ARHGEF11: variants seen among roughly 807,000 people sequenced by gnomAD.
ARHGEF11 encodes Rho guanine exchange factor (GEF) 11.
ARHGEF11 carries 55 observed loss-of-function variants against 193.7 expected under a neutral mutation model. The observed-to-expected ratio is 0.28, with a 90% CI of 0.23 to 0.36. The LOEUF is 0.36. Ranked by LOEUF, ARHGEF11 falls within the 10% of genes least tolerant of loss-of-function variation. ARHGEF11 has a pLI of 1.00. For missense variants in ARHGEF11, 1,723 were observed against 2,005.6 expected, an observed-to-expected ratio of 0.86 and a Z score of 2.69; for synonymous variants, 693 against 768.0, an observed-to-expected ratio of 0.90 and a Z score of 1.62.
At chr1:157,003,125 C>T (rs1211565223) in intron 1 of ARHGEF11, among the ~76,000 whole-genome samples, 1 of 152,218 alleles carries the variant, frequency 6.6e-6, no homozygotes, top group African/African-American at 2.4e-5. Flanking sequence ...ACAACAACCT[C>T]ATGAGTTGGC....
chr1:157,010,896 T>A (rs914928165), intron 1 of ARHGEF11, among the ~76,000 whole-genome samples: 1 of 152,218 alleles, frequency 6.6e-6, no homozygotes, highest in Admixed American at 6.5e-5. Context: ...CATCCATGTT[T>A]ACAGAGTGGA....
rs150882302 is a variant in ARHGEF11 at position 156,963,523 on chromosome 1, G to A, written c.1035C>T (p.Asn345=). ...EEDYDPGYFN[N]ESDIIFQDLE... ...GAGAAAACTAGGAAACCGTTACCTCGTTGTTGAAATAACCCGGGTCATAGT... is the reference window on the plus strand; with the variant it reads ...GAGAAAACTAGGAAACCGTTACCTCATTGTTGAAATAACCCGGGTCATAGT... Residue 345 remains asparagine, a synonymous_variant, in exon 12 of 41, where the codon AAC becomes AAT. Coordinates refer to ENST00000368194, the MANE Select transcript of ARHGEF11 (RefSeq NM_198236.3). 651 of 1,613,074 alleles carry A rather than the reference G, an allele frequency of 4.0e-4. No homozygotes were observed. Among genetic ancestry groups the A allele is most frequent in the Non-Finnish European group, 5.0e-4 (588 of 1,179,690 alleles).
At chr1:156,960,301 T>A in intron 15 of ARHGEF11, 117 bp downstream of exon 15, 1 of 971,686 alleles carries the variant, frequency 1.0e-6, no homozygotes, top group Non-Finnish European at 1.6e-6. Context: ...TTTTCCTCTA[T>A]TACAGGACGG....
chr1:156,967,887 G>C, intron 11 of ARHGEF11, 100 bp downstream of exon 11: 1 of 1,562,346 alleles, frequency 6.4e-7, no homozygotes, highest in Non-Finnish European at 8.8e-7. Flanking sequence ...TGAAGCAGGG[G>C]TTTAGTCTGA....
At chr1:156,941,577 G>A (rs1292667452) in intron 34 of ARHGEF11, 144 bp from the exon 35 acceptor site, 6 of 970,292 alleles carry the variant, frequency 6.2e-6, no homozygotes, top group South Asian at 5.8e-5. Flanking sequence ...CAGAGAGGAG[G>A]GGGGCTGCTA....
rs148854882 is a variant in ARHGEF11, at chr1:156,948,201, G to C, written c.2133C>G (p.Phe711Leu). 6.3e-7 allele frequency: 1 copy of C among 1,576,968 alleles called. No individual in the cohort carries two copies. Among genetic ancestry groups the C allele is most frequent in the African/African-American group, 1.4e-5 (1 of 74,054 alleles). The stretch of plus-strand genomic sequence containing the variant: ...CTTACCTGCGGCCCATTTTGGGAGT[G>C]AATGGAGGGGTTGGGTTCTCAAGAG... ...TRSLENPTPPFTPKMGRRSIE... is the reference protein window; with the variant it reads ...TRSLENPTPPLTPKMGRRSIE... The change falls in exon 24 of 41, where the codon TTC (phenylalanine) becomes TTG (leucine). Residue 711 changes from phenylalanine (F) to leucine (L), a missense_variant. Physicochemically the swap from Phe to Leu is conservative, Grantham distance 22 (BLOSUM62 0). Transcript: ENST00000368194. This position sits in a 1 kb window ranked among gnomAD's most constrained non-coding sequence, Gnocchi z 4.2.
chr1:156,942,896 G>C (rs866610075), intron 32 of ARHGEF11, 116 bp from the exon 33 acceptor site: 1 of 790,494 alleles, frequency 1.3e-6, no homozygotes. Context: ...CAGATGGAGA[G>C]TGCAGCACGA....
At chr1:156,993,033 G>A (rs1031060823) in intron 1 of ARHGEF11, among the ~76,000 whole-genome samples, 1 of 152,194 alleles carries the variant, frequency 6.6e-6, no homozygotes, top group African/African-American at 2.4e-5. Context: ...ACGTTCTGTG[G>A]TAATAATGAT....
At chr1:157,004,119 T>C (rs1245769392) in intron 1 of ARHGEF11, among the ~76,000 whole-genome samples, 2 of 152,200 alleles carry the variant, frequency 1.3e-5, no homozygotes, top group African/African-American at 4.8e-5. Context: ...TGTCCTAGGT[T>C]TGGGACACAG....
chr1:156,954,531 G>C (rs1332513021), intron 21 of ARHGEF11, among the ~76,000 whole-genome samples: 1 of 151,816 alleles, frequency 6.6e-6, no homozygotes, highest in Non-Finnish European at 1.5e-5. Context: ...CTGAATTATA[G>C]AGAAAAGGCC....
chr1:157,000,088 T>C (rs1267051572), intron 1 of ARHGEF11, among the ~76,000 whole-genome samples: 1 of 152,176 alleles, frequency 6.6e-6, no homozygotes. Context: ...CTCAGTCTCC[T>C]GAGCAGCTGG....
At position 156,937,413 on chromosome 1, in the gene ARHGEF11, G is replaced by A. The variant is rs1434991404; in HGVS notation, c.4276C>T (p.Pro1426Ser). Residue 1426 changes from proline (P) to serine (S), a missense_variant, in exon 39 of 41, where the codon CCT becomes TCT. This residue lies in a region of ARHGEF11 where 360 missense variants were observed against 344.4 expected (regional missense o/e 1.05). Transcript: ENST00000368194. ...GTCTGCCCTGCAGGGAGGCTGTCAGGCTGAGGGGGGCTCATGGGTGCCTCT... is the reference window on the plus strand; with the variant it reads ...GTCTGCCCTGCAGGGAGGCTGTCAGACTGAGGGGGGCTCATGGGTGCCTCT... ...HSEAPMSPPQPDSLPAGQTEP... is the reference protein window; with the variant it reads ...HSEAPMSPPQSDSLPAGQTEP... 1 of 1,587,104 alleles carries A rather than the reference G, an allele frequency of 6.3e-7. No homozygotes were observed. Among genetic ancestry groups the A allele is most frequent in the Non-Finnish European group, 8.6e-7 (1 of 1,167,974 alleles).
chr1:156,948,722 T>G lies in ARHGEF11; in HGVS notation c.1926-224A>C. The G allele has an allele frequency of 5.3e-6, 8 of 1,501,280 alleles. No individual in the cohort carries two copies. The highest frequency in any genetic ancestry group is 2.6e-5 in the East Asian group (1 of 38,650). The allele number at this position is 1,501,280 out of a possible 1,614,324, so 93.0% of individuals were successfully genotyped here. ...TCTCTCCCCAGCCTAGCCTGATGGA[T>G]GGACAGTCATCTTCCTCTGGAGCTA... On this transcript the variant is annotated intron_variant, in intron 22 of 40. Transcript: ENST00000368194. The surrounding 1 kb of genome is among the most constrained non-coding windows in gnomAD (Gnocchi z 4.2).
At chr1:156,968,271 C>T in intron 10 of ARHGEF11, 147 bp from the exon 11 acceptor site, 1 of 832,050 alleles carries the variant, frequency 1.2e-6, no homozygotes, top group South Asian at 1.8e-5. Context: ...TTATACTAAG[C>T]CCTTCATTAC....
intron 33 of ARHGEF11, among the ~76,000 whole-genome samples, chr1:156,942,278 C>A (rs1172985868): frequency 6.6e-6 from 1 of 152,218 alleles, no homozygotes; most frequent in Non-Finnish European, 1.5e-5. Flanking sequence ...CAGATGAAAA[C>A]CCTGGAGTTG....
rs769011895 is a variant in ARHGEF11, at chr1:156,936,942, T to G, written c.4504A>C (p.Thr1502Pro). The change falls in exon 40 of 41, where the codon ACG (threonine) becomes CCG (proline). Residue 1502 changes from threonine to proline, a missense_variant. Coordinates refer to ENST00000368194, the MANE Select transcript of ARHGEF11 (RefSeq NM_198236.3). Reference sequence around the variant, plus strand: ...TCTGTGTGGAAACTGCCCACAGGCGTGGTGCCACCAGATGACTCTCCCCCA... The same window carrying G: ...TCTGTGTGGAAACTGCCCACAGGCGGGGTGCCACCAGATGACTCTCCCCCA... The part of the protein sequence containing the change: ...SLGGESSGGT[T>P]PVGSFHTEAA... The G allele has an allele frequency of 6.2e-7, 1 of 1,614,002 alleles. No individual in the cohort carries two copies. Among genetic ancestry groups the G allele is most frequent in the East Asian group, 2.2e-5 (1 of 44,862 alleles).
intron 6 of ARHGEF11, among the ~76,000 whole-genome samples, chr1:156,977,825 T>C (rs550190922): frequency 6.6e-6 from 1 of 152,318 alleles, no homozygotes; most frequent in East Asian, 1.9e-4. Flanking sequence ...TCCTTGACTT[T>C]ATTCCAAACC....
chr1:156,960,905 A>G (rs1252795804), intron 14 of ARHGEF11, among the ~76,000 whole-genome samples: 1 of 152,182 alleles, frequency 6.6e-6, no homozygotes, highest in African/African-American at 2.4e-5. Context: ...CTTTTGCTAC[A>G]CAAGTCCCTG....
chr1:156,985,947 T>C (rs1557905414), intron 2 of ARHGEF11, 135 bp downstream of exon 2: 3 of 675,522 alleles, frequency 4.4e-6, no homozygotes, highest in Non-Finnish European at 7.7e-6. Context: ...TACAGACACC[T>C]GACTGGCATA....
Sources: allele counts gnomAD v4.1 joint callset (sites outside exome capture counted in the v4.1 genomes callset), GRCh38; gene constraint gnomAD v4.1.1; regional missense constraint gnomAD v4.1.1; non-coding constraint Gnocchi (gnomAD v3.1); transcripts MANE v1.5; gene names NCBI Gene and HGNC (gene_info 2026-07-23, HGNC 2026-07-21).